Variants in ACTA2 observed in about 807,000 individuals in gnomAD.
ACTA2 encodes actin alpha 2, smooth muscle, also known as actin, aortic smooth muscle.
ACTA2 carries 12 observed loss-of-function variants against 39.5 expected under a neutral mutation model. That is an observed-to-expected ratio of 0.30 (90% confidence interval 0.19 to 0.49). ACTA2 has a LOEUF of 0.49. Ranked by LOEUF, ACTA2 falls within the 20% of genes least tolerant of loss-of-function variation. The pLI, the probability that ACTA2 is intolerant of heterozygous loss-of-function variation, is 0.99. For missense variants in ACTA2, 236 were observed against 498.8 expected (o/e 0.47, Z 5.02); for synonymous variants, 158 against 180.6 (o/e 0.88, Z 1.00).
chr10:88,941,781 C>G lies in ACTA2; in HGVS notation c.454+4G>C. The G allele has an allele frequency of 6.2e-7, 1 of 1,610,702 alleles. No individual in the cohort carries two copies. Among genetic ancestry groups the G allele is most frequent in the South Asian group, 1.1e-5 (1 of 90,378 alleles). On this transcript the variant is annotated splice_donor_region_variant and intron_variant, in intron 5 of 8. Coordinates refer to ENST00000224784, the MANE Select transcript of ACTA2 (RefSeq NM_001613.4). Reference sequence around the variant, plus strand: ...CCAGCTTGCTGTCCCGCCCAGCCACCTACCAGTTGTGCGTCCAGAGGCATA... The same window carrying G: ...CCAGCTTGCTGTCCCGCCCAGCCACGTACCAGTTGTGCGTCCAGAGGCATA...
At chr10:88,975,426 T>C (rs964104357) in intron 1 of ACTA2, among the ~76,000 whole-genome samples, 4 of 152,244 alleles carry the variant, frequency 2.6e-5, no homozygotes, top group Non-Finnish European at 5.9e-5. Context: ...TGTTTGTTTT[T>C]TTCTTATTAC....
exon 1 of ACTA2, chr10:88,991,166 C>T: frequency 1.7e-6 from 1 of 588,358 alleles, no homozygotes; most frequent in Non-Finnish European, 3.0e-6. Flanking sequence ...GCTGGGCAGG[C>T]GGGGCAGCTC....
At chr10:88,947,457 A>G (rs757217421) in intron 2 of ACTA2, 71 bp from the exon 3 acceptor site, 74 of 1,602,906 alleles carry the variant, frequency 4.6e-5, no homozygotes, top group Non-Finnish European at 6.1e-5. Context: ...CAAGCCACAA[A>G]AGGTTAAGTC....
intron 3 of ACTA2, among the ~76,000 whole-genome samples, chr10:88,946,136 GC>G (rs767431292): frequency 1.3e-5 from 2 of 152,042 alleles, no homozygotes; most frequent in Non-Finnish European, 2.9e-5. Context: ...TTGCTCTGTT[GC>G]CCAGGCTGGA....
chr10:88,982,464 T>C (rs932178333), intron 1 of ACTA2, among the ~76,000 whole-genome samples: 2 of 151,910 alleles, frequency 1.3e-5, no homozygotes, highest in Admixed American at 6.6e-5. Flanking sequence ...AAGACATAAA[T>C]GGCAGAATAT....
chr10:88,983,408 G>A (rs1168471992), intron 1 of ACTA2, among the ~76,000 whole-genome samples: 1 of 152,004 alleles, frequency 6.6e-6, no homozygotes, highest in African/African-American at 2.4e-5. Context: ...ACTTACTTAG[G>A]GAGTTTACAT....
At chr10:88,976,204 T>TA (rs944323068) in intron 1 of ACTA2, among the ~76,000 whole-genome samples, 58 of 149,588 alleles carry the variant, frequency 3.9e-4, no homozygotes, top group African/African-American at 9.3e-4. Flanking sequence ...GCTGATGAGC[T>TA]AAAAAAAAAA....
Position 88,948,972 on chromosome 10 carries a change from AAGCAGCCTC to A in ACTA2, c.-23-28_-23-20del. The A allele has an allele frequency of 6.2e-7, 1 of 1,612,450 alleles. No homozygotes were observed. The highest frequency in any genetic ancestry group is 8.5e-7 in the Non-Finnish European group (1 of 1,179,310). ...CAGGATTCTATAGAAAACAGGGAGG[AAGCAGCCTC>A]AGCTGTAATTGGGCATTTGTGGCAC... On this transcript the variant is annotated intron_variant, in intron 1 of 8. Transcript: ENST00000224784.
At chr10:88,988,417 T>C (rs960180466) in intron 1 of ACTA2, among the ~76,000 whole-genome samples, 4 of 4,388 alleles carry the variant, frequency 9.1e-4, no homozygotes, top group Admixed American at 8.1e-3. Context: ...GATGTAGAAG[T>C]TTTTTTTTTT....
At chr10:88,935,411 G>C in intron 8 of ACTA2, 45 bp from the exon 9 acceptor site, 1 of 1,607,292 alleles carries the variant, frequency 6.2e-7, no homozygotes, top group Non-Finnish European at 8.5e-7. Flanking sequence ...GTCATCATTA[G>C]TGCAGTCGTT....
At chr10:88,970,880 T>C (rs1312531975) in intron 1 of ACTA2, among the ~76,000 whole-genome samples, 1 of 148,330 alleles carries the variant, frequency 6.7e-6, no homozygotes, top group African/African-American at 2.5e-5. Flanking sequence ...AAAAAGTGTG[T>C]GTGTGTGTGT....
upstream of ACTA2, among the ~76,000 whole-genome samples, chr10:88,954,982 G>T (rs1376522029): frequency 2.9e-5 from 4 of 136,698 alleles, no homozygotes; most frequent in Non-Finnish European, 4.6e-5. Flanking sequence ...TATCCAAGGG[G>T]TTATGGAACA....
intron 1 of ACTA2, among the ~76,000 whole-genome samples, chr10:88,972,581 C>A (rs923019593): frequency 1.3e-5 from 2 of 151,138 alleles, no homozygotes; most frequent in African/African-American, 4.9e-5. Context: ...TGTAATTTAT[C>A]TATTAGCTTT....
At chr10:88,939,371 G>T in intron 7 of ACTA2, 136 bp downstream of exon 7, 1 of 1,146,862 alleles carries the variant, frequency 8.7e-7, no homozygotes, top group Non-Finnish European at 1.3e-6. Context: ...TGAAAATGTG[G>T]CACTTTCCCT....
chr10:88,969,484 G>GAGACTTTC (rs1015706597), intron 1 of ACTA2, among the ~76,000 whole-genome samples: 5 of 152,168 alleles, frequency 3.3e-5, no homozygotes, highest in African/African-American at 1.2e-4. Context: ...TTGTGCAAAG[G>GAGACTTTC]AGACTTTCAG....
In ACTA2 at chr10:88,990,907, G is replaced by A; in HGVS notation, c.-24+32C>T. On this transcript the variant is annotated intron_variant, in intron 1 of 4. Coordinates refer to the ACTA2 transcript ENST00000415557. The surrounding 1 kb of genome is among the most constrained non-coding windows in gnomAD (Gnocchi z 4.9). The stretch of plus-strand genomic sequence containing the variant: ...GGGCATCTGGACCCTCCTACCTCTG[G>A]TGAGCCCTCTCCTGCCCGGGTGGAG... The A allele has an allele frequency of 6.2e-7, 1 of 1,614,190 alleles. No homozygotes were observed. The highest frequency in any genetic ancestry group is 8.5e-7 in the Non-Finnish European group (1 of 1,180,026).
intron 2 of ACTA2, 80 bp downstream of exon 2, chr10:88,948,722 G>C (rs1236148542): frequency 3.8e-6 from 6 of 1,593,438 alleles, no homozygotes; most frequent in Non-Finnish European, 5.2e-6. Context: ...GGCAGAAAGA[G>C]ATAGACAATC....
intron 8 of ACTA2, 36 bp downstream of exon 8, chr10:88,938,025 G>A: frequency 6.2e-7 from 1 of 1,611,956 alleles, no homozygotes; most frequent in Non-Finnish European, 8.5e-7. Flanking sequence ...TGACACTGCT[G>A]GCGGCATTGC....
At chr10:88,943,372 A>C (rs541556188) in intron 4 of ACTA2, among the ~76,000 whole-genome samples, 2 of 152,316 alleles carry the variant, frequency 1.3e-5, no homozygotes, top group East Asian at 3.9e-4. Context: ...ATTACTCCCA[A>C]CTTATAGACA....
Sources: gnomAD v4.1 joint callset for allele counts (sites outside exome capture counted in the v4.1 genomes callset) on GRCh38, gnomAD v4.1.1 for gene constraint, Gnocchi (gnomAD v3.1) non-coding constraint, MANE v1.5 for transcripts, NCBI Gene and HGNC (gene_info 2026-07-23, HGNC 2026-07-21) for gene names.